Variants in PLOD1 observed in about 807,000 individuals in gnomAD.
PLOD1 encodes the protein lysine hydroxylase.
In PLOD1, 70 loss-of-function variants were observed where a neutral mutation model predicts 94.7. That is an observed-to-expected ratio of 0.74 (90% confidence interval 0.61 to 0.90). The LOEUF (loss-of-function observed/expected upper bound fraction) is 0.90. Ranked by LOEUF, PLOD1 falls within the 40% of genes least tolerant of loss-of-function variation. The probability of loss-of-function intolerance (pLI) is 0.00; values close to 1 mark genes in which losing one functional copy is unlikely to be tolerated. For synonymous variants in PLOD1, 417 were observed against 400.2 expected (o/e 1.04, Z -0.50); for missense variants, 905 against 972.7 (o/e 0.93, Z 0.93).
At position 11,958,075 on chromosome 1, in the gene PLOD1, T is replaced by C. The variant is rs975532570; in HGVS notation, c.843+132T>C. 33 of 701,354 alleles carry C rather than the reference T, an allele frequency of 4.7e-5. No individual in the cohort carries two copies. The highest frequency in any genetic ancestry group is 1.1e-4 in the Admixed American group (5 of 44,306). The allele number at this position is 701,354 out of a possible 1,614,324, so 43.4% of individuals were successfully genotyped here. ...GAAGGGGTCACCTCCCTGCCTGGGG[T>C]TCTATCCCGGTTGCCACCCAAGTGC... On this transcript the variant is annotated intron_variant, in intron 8 of 18. Transcript: ENST00000196061. The surrounding 1 kb of genome is among the most constrained non-coding windows in gnomAD (Gnocchi z 4.3).
intron 4 of PLOD1, among the ~76,000 whole-genome samples, chr1:11,951,360 G>T (rs1645699342): frequency 6.6e-6 from 1 of 150,526 alleles, no homozygotes; most frequent in Admixed American, 6.6e-5. Flanking sequence ...GAGGCCAGGA[G>T]TTCAAGACCA....
chr1:11,957,798 G>A lies in PLOD1; in HGVS notation c.742-44G>A, dbSNP rs866340438. 1 of 1,353,134 alleles carries A rather than the reference G, an allele frequency of 7.4e-7. No homozygotes were observed. The highest frequency in any genetic ancestry group is 1.8e-4 in the Middle Eastern group (1 of 5,572). The allele number at this position is 1,353,134 out of a possible 1,614,324, so 83.8% of individuals were successfully genotyped here. On this transcript the variant is annotated intron_variant, in intron 7 of 18. Coordinates refer to ENST00000196061, the MANE Select transcript of PLOD1 (RefSeq NM_000302.4). This position sits in a 1 kb window ranked among gnomAD's most constrained non-coding sequence, Gnocchi z 4.1. ...GAGATGTGAGTCAGGGCTATGGCAG[G>A]TGGGGCTGGCTGGCTTCTCTGTGAC...
intron 1 of PLOD1, among the ~76,000 whole-genome samples, chr1:11,947,247 A>C (rs1645662402): frequency 2.0e-5 from 3 of 149,986 alleles, no homozygotes; most frequent in South Asian, 2.1e-4. Flanking sequence ...AAAAAAAAAA[A>C]AACAAAAACA....
rs750991056 is a variant in PLOD1, at chr1:11,965,564, G to A, written c.1555G>A (p.Asp519Asn). The change falls in exon 14 of 19, where the codon GAC becomes AAC. Residue 519 changes from aspartate (D) to asparagine (N), a missense_variant. Transcript: ENST00000196061. ...DSYRTTHLHN[D>N]LWEVFSNPED... ...CTACCGCACCACCCACCTGCACAACGACCTCTGGGAGGTGTTCAGCAACCC... is the reference window on the plus strand; with the variant it reads ...CTACCGCACCACCCACCTGCACAACAACCTCTGGGAGGTGTTCAGCAACCC... 9 of 1,613,016 alleles carry A rather than the reference G, an allele frequency of 5.6e-6. No individual in the cohort carries two copies. The highest frequency in any genetic ancestry group is 5.9e-6 in the Non-Finnish European group (7 of 1,179,376).
rs869129996 is a variant in PLOD1, at chr1:11,972,012, CA to C, written c.1903-858del. 78,118 of 151,682 alleles carry C rather than the reference CA, an allele frequency of 0.52. 20,816 individuals are homozygous for C. Among genetic ancestry groups the C allele is most frequent in the East Asian group, 0.64 (3,275 of 5,128 alleles). 9.4% of individuals were successfully genotyped at this position (151,682 alleles called of 1,614,324 possible). A position where few individuals can be genotyped will look rare whatever the true frequency, so the allele number is the denominator to read the frequency against. On this transcript the variant is annotated intron_variant, in intron 17 of 18. Coordinates refer to ENST00000196061, the MANE Select transcript of PLOD1 (RefSeq NM_000302.4). This position sits in a 1 kb window ranked among gnomAD's most constrained non-coding sequence, Gnocchi z 4.6. ...TGTCCACTGCTACCTTGGCTTTCTC[CA>C]AGGTACTTTCTCCAAGACTCAGTTC...
At position 11,952,763 on chromosome 1, in the gene PLOD1, AG is replaced by A. The variant is rs767996887; in HGVS notation, c.579+33del. The A allele has an allele frequency of 5.9e-6, 9 of 1,515,906 alleles. No individual in the cohort carries two copies. The African/African-American group carries it at 8.2e-5, about 14-fold the overall frequency. The allele number at this position is 1,515,906 out of a possible 1,614,324, so 93.9% of individuals were successfully genotyped here. A position where few individuals can be genotyped will look rare whatever the true frequency, so the allele number is the denominator to read the frequency against. On this transcript the variant is annotated intron_variant, in intron 5 of 18. Coordinates refer to ENST00000196061, the MANE Select transcript of PLOD1 (RefSeq NM_000302.4). ...AAGAGGCAGTGGGCGGGCCAAGGAG[AG>A]GGGGCTGGGGATCCACCGGCCAGGC...
intron 1 of PLOD1, among the ~76,000 whole-genome samples, chr1:11,944,823 C>T (rs1645639427): frequency 6.6e-6 from 1 of 152,246 alleles, no homozygotes; most frequent in Non-Finnish European, 1.5e-5. Context: ...GCTACCCCTG[C>T]CCCGCCAGCT....
chr1:11,953,561 G>A (rs1328671412), intron 5 of PLOD1, among the ~76,000 whole-genome samples: 2 of 151,814 alleles, frequency 1.3e-5, no homozygotes, highest in Non-Finnish European at 2.9e-5. Flanking sequence ...GGAGGCCAAA[G>A]CGGGTGGATC....
chr1:11,944,521 G>T lies in PLOD1; in HGVS notation c.77-3455G>T, dbSNP rs781613275. ...TGTGACACTCTTCCTGTCCCCAGCA[G>T]CCCCCTGTTGCCAAGAGGGCCTCAG... On this transcript the variant is annotated intron_variant, in intron 1 of 18. Transcript: ENST00000196061. 7 of 1,340,718 alleles carry T rather than the reference G, an allele frequency of 5.2e-6. No individual in the cohort carries two copies. In the East Asian group the frequency reaches 2.9e-4, roughly 55 times the overall value. 83.1% of individuals were successfully genotyped at this position (1,340,718 alleles called of 1,614,324 possible). A position where few individuals can be genotyped will look rare whatever the true frequency, so the allele number is the denominator to read the frequency against.
chr1:11,973,359 G>T (rs1048398336), intron 18 of PLOD1, among the ~76,000 whole-genome samples: 1 of 151,994 alleles, frequency 6.6e-6, no homozygotes, highest in Non-Finnish European at 1.5e-5. Flanking sequence ...AATTAGCTGG[G>T]CGTGGTAGCA....
rs773547480 is a variant in PLOD1 at position 11,967,042 on chromosome 1, T to A, written c.1706T>A (p.Leu569Gln). ...PIFTEVACDE[L>Q]VEEMEHFGQW... The stretch of plus-strand genomic sequence containing the variant: ...TTCACGGAGGTGGCCTGTGATGAGC[T>A]GGTGGAGGAGATGGAGCACTTTGGC... Residue 569 changes from leucine to glutamine, a missense_variant, in exon 16 of 19, where the codon CTG (leucine) becomes CAG (glutamine). Leu to Gln is a moderately radical substitution (Grantham distance 113, BLOSUM62 -2). Transcript: ENST00000196061. 8.1e-6 allele frequency: 13 copies of A among 1,614,044 alleles called. No individual in the cohort carries two copies. The highest frequency in any genetic ancestry group is 1.1e-5 in the Non-Finnish European group (13 of 1,179,900).
Position 11,967,810 on chromosome 1 carries a change from C to T in PLOD1, c.1755+719C>T, listed in dbSNP as rs551059121. On this transcript the variant is annotated intron_variant, in intron 16 of 18. Transcript: ENST00000196061. The stretch of plus-strand genomic sequence containing the variant: ...TGTCGCCCAGGCTGGAGTACAGTGG[C>T]GCAATCTTGGCTCATTGCAACCTCT... Among the ~76,000 whole-genome samples, 16 of 150,526 alleles carry T rather than the reference C, an allele frequency of 1.1e-4. No homozygotes were observed. In the South Asian group the frequency reaches 1.7e-3, roughly 16 times the overall value.
At chr1:11,948,636 G>A (rs144288223) in intron 2 of PLOD1, among the ~76,000 whole-genome samples, 18 of 152,112 alleles carry the variant, frequency 1.2e-4, no homozygotes, top group East Asian at 1.9e-4. Flanking sequence ...AGGCTGAGGC[G>A]GGAGAATCAC....
At chr1:11,960,557 C>T (rs1305177682) in intron 9 of PLOD1, 89 bp from the exon 10 acceptor site, 10 of 946,710 alleles carry the variant, frequency 1.1e-5, no homozygotes, top group Admixed American at 3.4e-5. Context: ...GGGGCACAGC[C>T]TGGCAGTGAC....
chr1:11,953,355 T>C (rs1465198896), intron 5 of PLOD1, among the ~76,000 whole-genome samples: 1 of 151,188 alleles, frequency 6.6e-6, no homozygotes, highest in Non-Finnish European at 1.5e-5. Flanking sequence ...CGTGCCCGGC[T>C]GTCGGGTCTT....
At chr1:11,964,467 T>C (rs1348906757) in intron 12 of PLOD1, among the ~76,000 whole-genome samples, 167 bp downstream of exon 12, 1 of 152,048 alleles carries the variant, frequency 6.6e-6, no homozygotes, top group Non-Finnish European at 1.5e-5. Flanking sequence ...TCCTGACAAA[T>C]AGGCCCATGT....
intron 16 of PLOD1, among the ~76,000 whole-genome samples, chr1:11,967,703 C>A (rs889725908): frequency 7.3e-6 from 1 of 136,738 alleles, no homozygotes; most frequent in Non-Finnish European, 1.5e-5. Flanking sequence ...GTTGCCCAGG[C>A]TGGTTGTGAA....
chr1:11,944,757 C>T lies in PLOD1; in HGVS notation c.77-3219C>T, dbSNP rs368009996. 98 of 957,286 alleles carry T rather than the reference C, an allele frequency of 1.0e-4. 7 individuals carry two copies. The East Asian group carries it at 1.5e-3, about 15-fold the overall frequency. The allele number at this position is 957,286 out of a possible 1,614,324, so 59.3% of individuals were successfully genotyped here. A position where few individuals can be genotyped will look rare whatever the true frequency, so the allele number is the denominator to read the frequency against. On this transcript the variant is annotated intron_variant, in intron 1 of 18. Coordinates refer to ENST00000196061, the MANE Select transcript of PLOD1 (RefSeq NM_000302.4). Reference sequence around the variant, plus strand: ...TCCCTGCCAATCCCTGCTGGGCCGCCTGGCGCCAGCCCTCTGCCCTGGGGC... The same window carrying T: ...TCCCTGCCAATCCCTGCTGGGCCGCTTGGCGCCAGCCCTCTGCCCTGGGGC...
Position 11,957,553 on chromosome 1 carries a change from T to G in PLOD1, c.742-289T>G, listed in dbSNP as rs956422973. ...ATGTGATGTGTTTAAAATGCAAATT[T>G]GCTGATTTCACCCAGGATCTGTTCA... On this transcript the variant is annotated intron_variant, in intron 7 of 18. Transcript: ENST00000196061. This position sits in a 1 kb window ranked among gnomAD's most constrained non-coding sequence, Gnocchi z 4.1. 1.4e-4 allele frequency among the ~76,000 whole-genome samples: 21 copies of G among 152,176 alleles called. No homozygotes were observed. The highest frequency in any genetic ancestry group is 2.5e-4 in the Non-Finnish European group (17 of 68,016).
Sources: allele counts gnomAD v4.1 joint callset (sites outside exome capture counted in the v4.1 genomes callset), GRCh38; gene constraint gnomAD v4.1.1; non-coding constraint Gnocchi (gnomAD v3.1); transcripts MANE v1.5; gene names NCBI Gene and HGNC (gene_info 2026-07-23, HGNC 2026-07-21).